LRRC7: variants seen among roughly 807,000 people sequenced by gnomAD.
LRRC7 encodes the protein leucine-rich repeat-containing protein 7.
In LRRC7, 23 loss-of-function variants were observed where a neutral mutation model predicts 175.7. The ratio of observed to expected loss-of-function variants is 0.13; its 90% confidence interval spans 0.09 to 0.19. The LOEUF is 0.19. Ranked by LOEUF, LRRC7 falls within the 10% of genes least tolerant of loss-of-function variation. LRRC7 has a pLI of 1.00. For synonymous variants in LRRC7, 685 were observed against 680.9 expected, an observed-to-expected ratio of 1.01 and a Z score of -0.09; for missense variants, 1,354 against 1,904.7, an observed-to-expected ratio of 0.71 and a Z score of 5.38.
At chr1:70,049,638 T>C (rs1660600089) in intron 22 of LRRC7, among the ~76,000 whole-genome samples, 1 of 152,174 alleles carries the variant, frequency 6.6e-6, no homozygotes, top group Non-Finnish European at 1.5e-5. Flanking sequence ...AGTACTCATG[T>C]GGAATTTCGT....
intron 1 of LRRC7, among the ~76,000 whole-genome samples, chr1:69,596,680 A>C (rs1355410674): frequency 2.6e-5 from 4 of 152,242 alleles, no homozygotes; most frequent in African/African-American, 9.6e-5. Flanking sequence ...TTTAGCTAAA[A>C]GCTAAATCAC....
At chr1:69,802,792 C>T (rs929772680) in intron 4 of LRRC7, among the ~76,000 whole-genome samples, 1 of 151,220 alleles carries the variant, frequency 6.6e-6, no homozygotes, top group Non-Finnish European at 1.5e-5. Context: ...CTTTGTTTCT[C>T]TCAATGTAGT....
intron 7 of LRRC7, among the ~76,000 whole-genome samples, chr1:69,852,433 T>C (rs1557810709): frequency 1.3e-5 from 2 of 152,214 alleles, no homozygotes; most frequent in South Asian, 2.1e-4. Context: ...TTAAGCTCTG[T>C]GATATTTTCT....
In LRRC7 at chr1:70,110,930, GA is replaced by G. The variant is rs995831030; in HGVS notation, c.4620+3110del. On this transcript the variant is annotated intron_variant, in intron 26 of 26. Coordinates refer to ENST00000651989, the MANE Select transcript of LRRC7 (RefSeq NM_001370785.2). The stretch of plus-strand genomic sequence containing the variant: ...TGTCTCTTAGTTTAAAGAATGCTGG[GA>G]AAAAATGGGTTAATAACATTGAGTT... Among the ~76,000 whole-genome samples, 107 of 152,146 alleles carry G rather than the reference GA, an allele frequency of 7.0e-4. 1 individual carries two copies. Among genetic ancestry groups the G allele is most frequent in the Non-Finnish European group, 1.0e-4 (7 of 67,988 alleles).
chr1:69,995,673 G>C (rs1023075748), intron 11 of LRRC7, among the ~76,000 whole-genome samples: 2 of 151,770 alleles, frequency 1.3e-5, no homozygotes, highest in East Asian at 3.9e-4. Flanking sequence ...TTGTTCTTGC[G>C]ATAGTTTACT....
chr1:70,011,776 C>A, intron 11 of LRRC7, 21 bp from the exon 12 acceptor site: 1 of 1,511,986 alleles, frequency 6.6e-7, no homozygotes, highest in South Asian at 1.1e-5. Context: ...AAATGTCTAA[C>A]TAATGTATTT....
intron 1 of LRRC7, among the ~76,000 whole-genome samples, chr1:69,617,277 T>A (rs1419467296): frequency 6.6e-6 from 1 of 152,024 alleles, no homozygotes; most frequent in African/African-American, 2.4e-5. Context: ...TGGCATATAA[T>A]GCAAATCGAG....
chr1:70,089,491 G>C (rs1275792644), intron 24 of LRRC7, among the ~76,000 whole-genome samples: 1 of 152,106 alleles, frequency 6.6e-6, no homozygotes, highest in Non-Finnish European at 1.5e-5. Flanking sequence ...TAACAAATAA[G>C]TACTTGCTAA....
At position 70,053,076 on chromosome 1, in the gene LRRC7, T is replaced by C. The variant is rs189181908; in HGVS notation, c.4161T>C (p.Ser1387=). The C allele has an allele frequency of 2.5e-5, 40 of 1,611,574 alleles. No individual in the cohort carries two copies. The Admixed American group carries it at 6.5e-4, about 26-fold the overall frequency. ...TAGACAATGGACAAGAAGATGTATC[T>C]CCTAGTGGCCAATGGAATCCTTATC... ...NILDNGQEDV[S]PSGQWNPYPL... The change falls in exon 23 of 27, where the codon TCT becomes TCC. Residue 1387 remains serine (S), a synonymous_variant. Coordinates refer to ENST00000651989, the MANE Select transcript of LRRC7 (RefSeq NM_001370785.2).
chr1:70,062,651 G>A (rs1467739740), intron 23 of LRRC7, among the ~76,000 whole-genome samples: 1 of 152,018 alleles, frequency 6.6e-6, no homozygotes, highest in African/African-American at 2.4e-5. Context: ...ATGGAAATAA[G>A]ACCTTTCAGA....
At position 69,967,027 on chromosome 1, in the gene LRRC7, G is replaced by A. The variant is rs917645743; in HGVS notation, c.712-13352G>A. 4.6e-5 allele frequency among the ~76,000 whole-genome samples: 7 copies of A among 152,156 alleles called. No individual in the cohort carries two copies. In the South Asian group the frequency reaches 6.2e-4, roughly 13 times the overall value. On this transcript the variant is annotated intron_variant, in intron 8 of 26. Transcript: ENST00000651989. Reference sequence around the variant, plus strand: ...GGGGAAGAAAGAAAGCCCTACTTTCGCAGCTGGGAGGCAGGTAGCCTGGGG... The same window carrying A: ...GGGGAAGAAAGAAAGCCCTACTTTCACAGCTGGGAGGCAGGTAGCCTGGGG...
chr1:69,968,425 A>G (rs1651880513), intron 8 of LRRC7, among the ~76,000 whole-genome samples: 1 of 152,236 alleles, frequency 6.6e-6, no homozygotes, highest in South Asian at 2.1e-4. Context: ...AAAGAACTAG[A>G]CATCTGAATA....
At chr1:70,004,273 A>G (rs1169112374) in intron 11 of LRRC7, among the ~76,000 whole-genome samples, 2 of 152,186 alleles carry the variant, frequency 1.3e-5, no homozygotes, top group African/African-American at 4.8e-5. Flanking sequence ...GAAAAGAATT[A>G]GTCTGACTAA....
chr1:69,636,592 A>G (rs1377857210), intron 1 of LRRC7, among the ~76,000 whole-genome samples: 1 of 151,818 alleles, frequency 6.6e-6, no homozygotes, highest in African/African-American at 2.4e-5. Context: ...GTGATAATGG[A>G]TTCATTTATT....
chr1:70,055,060 G>A (rs555217195), intron 23 of LRRC7, among the ~76,000 whole-genome samples: 1 of 152,068 alleles, frequency 6.6e-6, no homozygotes, highest in East Asian at 1.9e-4. Context: ...CAAAATATTT[G>A]GTAATGCCAC....
intron 1 of LRRC7, among the ~76,000 whole-genome samples, chr1:69,623,524 T>G (rs1749492): frequency 0.13 from 19,315 of 150,888 alleles, 1,587 homozygotes; most frequent in South Asian, 0.19. Flanking sequence ...TTTGCTTACC[T>G]TAAGGCAACT....
At chr1:69,874,235 A>G (rs1404492619) in intron 7 of LRRC7, 7 of 152,290 alleles carry the variant, frequency 4.6e-5, no homozygotes, top group Middle Eastern at 3.4e-3. Flanking sequence ...TAGCATTTCA[A>G]TTTGCATAGA....
chr1:69,763,196 G>A (rs1016835878), intron 3 of LRRC7, among the ~76,000 whole-genome samples: 7 of 152,002 alleles, frequency 4.6e-5, no homozygotes, highest in Admixed American at 6.6e-5. Flanking sequence ...ATTGGCTCTC[G>A]TAAGTGGTAG....
At chr1:70,063,240 T>C (rs1027493766) in intron 23 of LRRC7, among the ~76,000 whole-genome samples, 1 of 152,088 alleles carries the variant, frequency 6.6e-6, no homozygotes, top group African/African-American at 2.4e-5. Flanking sequence ...AACGGGCAGA[T>C]TAAAGTACTT....
Sources: gnomAD v4.1 joint callset for allele counts (sites outside exome capture counted in the v4.1 genomes callset) on GRCh38, gnomAD v4.1.1 for gene constraint, MANE v1.5 for transcripts, NCBI Gene and HGNC (gene_info 2026-07-23, HGNC 2026-07-21) for gene names.